PNKD: variants seen among roughly 807,000 people sequenced by gnomAD.
The protein encoded by PNKD is PNKD metallo-beta-lactamase domain containing, also known as probable thioesterase PNKD.
PNKD carries 36 observed loss-of-function variants against 45.3 expected under a neutral mutation model. The observed-to-expected ratio is 0.80, with a 90% CI of 0.61 to 1.05. The LOEUF (loss-of-function observed/expected upper bound fraction) is 1.05, where lower values mean the gene tolerates loss of function less well. PNKD is among the 50% of genes least tolerant of loss of function. PNKD has a pLI of 0.00. For synonymous variants in PNKD, 197 were observed against 210.1 expected (o/e 0.94, Z 0.54); for missense variants, 511 against 506.6 (o/e 1.01, Z -0.08).
At chr2:218,276,166 T>A in intron 2 of PNKD, 3 of 1,439,616 alleles carry the variant, frequency 2.1e-6, no homozygotes, top group South Asian at 2.4e-5. Context: ...GATAGTGGCA[T>A]GAGAGTGGGT....
At chr2:218,299,116 A>ATTTAT (rs554072578) in intron 2 of PNKD, among the ~76,000 whole-genome samples, 4 of 151,748 alleles carry the variant, frequency 2.6e-5, no homozygotes, top group African/African-American at 9.7e-5. Context: ...TATTTTATTT[A>ATTTAT]TTTATTTTAT....
At chr2:218,341,347 T>C (rs1245922103) in intron 5 of PNKD, among the ~76,000 whole-genome samples, 187 bp from the exon 6 acceptor site, 1 of 152,190 alleles carries the variant, frequency 6.6e-6, no homozygotes, top group African/African-American at 2.4e-5. Context: ...ATTGGCCAGC[T>C]TGAGTTGTTG....
intron 2 of PNKD, among the ~76,000 whole-genome samples, chr2:218,339,093 A>G (rs1315755326): frequency 6.6e-6 from 1 of 151,268 alleles, no homozygotes; most frequent in African/African-American, 2.4e-5. Flanking sequence ...ACTGTACCCA[A>G]CCTTCTTCAG....
At chr2:218,292,545 G>C (rs934684038) in intron 2 of PNKD, 8 of 151,996 alleles carry the variant, frequency 5.3e-5, no homozygotes, top group South Asian at 2.1e-4. Context: ...GGCTCGGCTG[G>C]GGCTCCGCGC....
In PNKD at chr2:218,336,615, G is replaced by A. The variant is rs540988601; in HGVS notation, c.237-3168G>A. 2.6e-5 allele frequency among the ~76,000 whole-genome samples: 4 copies of A among 151,756 alleles called. No individual in the cohort carries two copies. The South Asian group carries it at 6.3e-4, about 24-fold the overall frequency. On this transcript the variant is annotated intron_variant, in intron 2 of 9. Coordinates refer to ENST00000273077, the MANE Select transcript of PNKD (RefSeq NM_015488.5). ...CCCACCTCAGCCTCCCAAGTAGCTGGGACCACAAGTGCATGCCACCATGCC... is the reference window on the plus strand; with the variant it reads ...CCCACCTCAGCCTCCCAAGTAGCTGAGACCACAAGTGCATGCCACCATGCC...
chr2:218,294,688 C>CGCTG (rs1263972620), intron 2 of PNKD, among the ~76,000 whole-genome samples: 1 of 152,156 alleles, frequency 6.6e-6, no homozygotes, highest in Admixed American at 6.5e-5. Context: ...ATGTTGCCCA[C>CGCTG]GCTGGTCTTG....
intron 2 of PNKD, chr2:218,276,983 C>G (rs757886293): frequency 1.2e-6 from 2 of 1,608,390 alleles, no homozygotes; most frequent in Admixed American, 3.3e-5. Flanking sequence ...TCCCTGACCC[C>G]AGCTCTCCTG....
In PNKD at chr2:218,272,250, T is replaced by G. The variant is rs957469981; in HGVS notation, c.236+701T>G. Among the ~76,000 whole-genome samples, 25 of 149,282 alleles carry G rather than the reference T, an allele frequency of 1.7e-4. 1 individual carries two copies. The highest frequency in any genetic ancestry group is 3.4e-4 in the Non-Finnish European group (23 of 68,018). On this transcript the variant is annotated intron_variant, in intron 2 of 9. Transcript: ENST00000273077. Reference sequence around the variant, plus strand: ...TGCCTGGAAAATCCTGCACAGGTGCTGTTGCAGGAATGCAGGGCTCGTGCT... The same window carrying G: ...TGCCTGGAAAATCCTGCACAGGTGCGGTTGCAGGAATGCAGGGCTCGTGCT...
chr2:218,275,702 G>A (rs982500196), intron 2 of PNKD: 28 of 1,526,278 alleles, frequency 1.8e-5, no homozygotes, highest in Non-Finnish European at 2.4e-5. Flanking sequence ...TTTGTCTTGG[G>A]GGCCTATGCG....
At position 218,335,497 on chromosome 2, in the gene PNKD, A is replaced by G. The variant is rs1694463164; in HGVS notation, c.237-4286A>G. ...ACTCCATCTGGAAAAAAAAAATGTT[A>G]ATTGTCCTGTCTGTCCTACTAGATA... On this transcript the variant is annotated intron_variant, in intron 2 of 9. Coordinates refer to ENST00000273077, the MANE Select transcript of PNKD (RefSeq NM_015488.5). Among the ~76,000 whole-genome samples, 3 of 151,846 alleles carry G rather than the reference A, an allele frequency of 2.0e-5. No homozygotes were observed. In the South Asian group the frequency reaches 6.2e-4, roughly 31 times the overall value.
intron 2 of PNKD, among the ~76,000 whole-genome samples, chr2:218,336,041 CCT>C (rs2106288507): frequency 6.6e-6 from 1 of 151,768 alleles, no homozygotes; most frequent in East Asian, 1.9e-4. Flanking sequence ...ATGGTGAAAC[CCT>C]GTCTCTACTA....
chr2:218,329,148 G>T (rs1475621834), intron 2 of PNKD, among the ~76,000 whole-genome samples: 1 of 152,216 alleles, frequency 6.6e-6, no homozygotes, highest in Admixed American at 6.5e-5. Context: ...GGCAGAGGTT[G>T]CAGTGAGTGG....
chr2:218,278,696 G>T, intron 2 of PNKD: 1 of 981,662 alleles, frequency 1.0e-6, no homozygotes, highest in Non-Finnish European at 1.6e-6. Context: ...CAGGAAGCAA[G>T]AACGAGATTA....
rs575546377 is a variant in PNKD at position 218,344,870 on chromosome 2, G to A, written c.1047G>A (p.Ala349=). The change falls in exon 10 of 10, where the codon GCG becomes GCA. Residue 349 remains alanine, a synonymous_variant. Transcript: ENST00000273077. ...CGTTCCTGAGAACCCACTGCCTGGCGCTACAGGAGGCTCTGGGGCCGGGGC... is the reference window on the plus strand; with the variant it reads ...CGTTCCTGAGAACCCACTGCCTGGCACTACAGGAGGCTCTGGGGCCGGGGC... ...YNPFLRTHCL[A]LQEALGPGPG... 12 of 1,613,976 alleles carry A rather than the reference G, an allele frequency of 7.4e-6. No homozygotes were observed. Among genetic ancestry groups the A allele is most frequent in the Admixed American group, 5.0e-5 (3 of 60,018 alleles).
At chr2:218,309,612 T>C (rs141676249) in intron 2 of PNKD, among the ~76,000 whole-genome samples, 1,706 of 152,010 alleles carry the variant, frequency 0.011, 15 homozygotes, top group Non-Finnish European at 0.016. Context: ...AGTACTAGTT[T>C]GGATGCTCTT....
chr2:218,278,209 TAAAC>T, intron 2 of PNKD: 1 of 609,380 alleles, frequency 1.6e-6, no homozygotes. Context: ...TTGCAACTCT[TAAAC>T]TGACTGCCTG....
intron 2 of PNKD, among the ~76,000 whole-genome samples, chr2:218,308,188 ATTTT>A (rs36099207): frequency 7.3e-6 from 1 of 137,590 alleles, no homozygotes. Context: ...AGCATTTTAG[ATTTT>A]TTTTTTTTTT....
chr2:218,297,611 G>A (rs1448382073), intron 2 of PNKD, among the ~76,000 whole-genome samples: 1 of 150,338 alleles, frequency 6.7e-6, no homozygotes, highest in Non-Finnish European at 1.5e-5. Context: ...CTTGAACCTG[G>A]GAGACAGAGG....
intron 2 of PNKD, chr2:218,280,045 C>T (rs1203501656): frequency 1.2e-6 from 2 of 1,614,078 alleles, no homozygotes; most frequent in Admixed American, 1.7e-5. Context: ...AAAAGTGTGT[C>T]GCACTTTCCG....
Sources: gnomAD v4.1 joint callset for allele counts (sites outside exome capture counted in the v4.1 genomes callset) on GRCh38, gnomAD v4.1.1 for gene constraint, MANE v1.5 for transcripts, NCBI Gene and HGNC (gene_info 2026-07-23, HGNC 2026-07-21) for gene names.